Variants in TRABD2B observed in about 807,000 individuals in gnomAD.
TRABD2B encodes the protein metalloprotease TIKI2.
A neutral mutation model predicts 40.1 loss-of-function variants in TRABD2B; 14 were observed. That is an observed-to-expected ratio of 0.35 (90% CI 0.23 to 0.55). TRABD2B has a LOEUF of 0.55. Among genes scored for constraint, TRABD2B ranks in the 20% least tolerant of loss-of-function variants. The probability of loss-of-function intolerance (pLI) is 0.90; values close to 1 mark genes in which losing one functional copy is unlikely to be tolerated. For synonymous variants in TRABD2B, 263 were observed against 277.0 expected (o/e 0.95, Z 0.50); for missense variants, 541 against 648.6 (o/e 0.83, Z 1.80).
At chr1:47,859,315 G>T (rs1377502948) in intron 2 of TRABD2B, among the ~76,000 whole-genome samples, 1 of 152,094 alleles carries the variant, frequency 6.6e-6, no homozygotes, top group Non-Finnish European at 1.5e-5. Context: ...CCTCACACTG[G>T]CTGGGAAACG....
At chr1:47,828,454 T>C (rs1291462234) in intron 2 of TRABD2B, among the ~76,000 whole-genome samples, 1 of 152,196 alleles carries the variant, frequency 6.6e-6, no homozygotes, top group Non-Finnish European at 1.5e-5. Context: ...AGAAAGTCAC[T>C]GGGATTTGAC....
chr1:47,850,985 C>T (rs981889742), intron 2 of TRABD2B, among the ~76,000 whole-genome samples: 1 of 152,178 alleles, frequency 6.6e-6, no homozygotes, highest in Non-Finnish European at 1.5e-5. Flanking sequence ...GAATCTAATG[C>T]CACCGCTGAT....
chr1:47,921,460 A>C (rs1280231347), intron 2 of TRABD2B, among the ~76,000 whole-genome samples: 1 of 152,184 alleles, frequency 6.6e-6, no homozygotes, highest in African/African-American at 2.4e-5. Flanking sequence ...TGACACACAC[A>C]ACTTTCATGA....
At chr1:47,958,956 T>C (rs1231431167) in intron 2 of TRABD2B, among the ~76,000 whole-genome samples, 1 of 152,150 alleles carries the variant, frequency 6.6e-6, no homozygotes, top group African/African-American at 2.4e-5. Flanking sequence ...GACCACATAG[T>C]TGGAAGTAAA....
intron 2 of TRABD2B, among the ~76,000 whole-genome samples, chr1:47,933,086 C>T (rs1645060674): frequency 1.3e-5 from 2 of 149,408 alleles, no homozygotes; most frequent in South Asian, 2.2e-4. Flanking sequence ...CAGAGCCCTC[C>T]GTGAGCCCCC....
intron 2 of TRABD2B, among the ~76,000 whole-genome samples, chr1:47,941,659 G>A (rs1294247636): frequency 6.6e-6 from 1 of 152,222 alleles, no homozygotes; most frequent in Non-Finnish European, 1.5e-5. Flanking sequence ...CTGTTACAAG[G>A]TTGAAAGGAG....
chr1:47,852,292 G>A (rs1645560531), intron 2 of TRABD2B, among the ~76,000 whole-genome samples: 1 of 152,182 alleles, frequency 6.6e-6, no homozygotes, highest in Non-Finnish European at 1.5e-5. Context: ...GCCCCATGGA[G>A]CCACACACAT....
intron 2 of TRABD2B, among the ~76,000 whole-genome samples, chr1:47,915,417 T>C (rs1218370650): frequency 6.6e-6 from 1 of 152,192 alleles, no homozygotes; most frequent in Non-Finnish European, 1.5e-5. Context: ...ACAAGTGTAT[T>C]ACACCCAGGC....
chr1:47,798,555 C>G (rs982415518), intron 3 of TRABD2B, among the ~76,000 whole-genome samples: 5 of 152,194 alleles, frequency 3.3e-5, no homozygotes, highest in Non-Finnish European at 5.9e-5. Context: ...CCCCTGGCCC[C>G]TTTCCCAGTG....
At chr1:47,878,231 G>C (rs1447121072) in intron 2 of TRABD2B, among the ~76,000 whole-genome samples, 1 of 152,122 alleles carries the variant, frequency 6.6e-6, no homozygotes, top group Admixed American at 6.5e-5. Flanking sequence ...CAGGAGAATT[G>C]CTTGAACCCG....
intron 2 of TRABD2B, among the ~76,000 whole-genome samples, chr1:47,953,604 T>C (rs894895518): frequency 2.6e-5 from 4 of 152,176 alleles, no homozygotes; most frequent in African/African-American, 9.7e-5. Context: ...ACTTACCAGC[T>C]CTGAGACCTT....
chr1:47,840,780 G>T (rs564670514), intron 2 of TRABD2B, among the ~76,000 whole-genome samples: 1 of 152,318 alleles, frequency 6.6e-6, no homozygotes, highest in South Asian at 2.1e-4. Flanking sequence ...AACTTGGGGC[G>T]TGATGACATT....
chr1:47,854,441 C>G (rs954568356), intron 2 of TRABD2B, among the ~76,000 whole-genome samples: 14 of 152,068 alleles, frequency 9.2e-5, no homozygotes, highest in Non-Finnish European at 4.4e-5. Context: ...AGGCTTTTTT[C>G]CTTTGAGGTC....
rs181769483 is a variant in TRABD2B, at chr1:47,765,805, G to A, written c.*97C>T. On this transcript the variant is annotated 3_prime_UTR_variant, in exon 7 of 7. Coordinates refer to ENST00000606738, the MANE Select transcript of TRABD2B (RefSeq NM_001194986.2). ...CAATCCCATGTGGACTGCCCTCGAC[G>A]TGTTGGGCACCCCCTGGAGGTGGTG... is the stretch of plus-strand genomic sequence containing the variant. 1.4e-4 allele frequency: 97 copies of A among 702,366 alleles called. 1 individual carries two copies. The highest frequency in any genetic ancestry group is 1.2e-3 in the African/African-American group (67 of 57,388). The allele number at this position is 702,366 out of a possible 1,614,324, so 43.5% of individuals were successfully genotyped here.
intron 2 of TRABD2B, among the ~76,000 whole-genome samples, chr1:47,802,363 G>A (rs142551658): frequency 3.8e-4 from 58 of 152,262 alleles, no homozygotes; most frequent in Non-Finnish European, 7.1e-4. Context: ...GAGGATCGTG[G>A]CTCTAATGGA....
intron 2 of TRABD2B, among the ~76,000 whole-genome samples, chr1:47,832,002 G>A (rs1645256269): frequency 6.6e-6 from 1 of 152,220 alleles, no homozygotes; most frequent in Non-Finnish European, 1.5e-5. Context: ...GATCACTGGT[G>A]TCTGCCTGTC....
chr1:47,880,380 G>T (rs1042903752), intron 2 of TRABD2B, among the ~76,000 whole-genome samples: 3 of 152,116 alleles, frequency 2.0e-5, no homozygotes, highest in African/African-American at 7.2e-5. Context: ...TCAACCAATC[G>T]ATCATTCAGT....
rs3850880 is a variant in TRABD2B, at chr1:47,767,721, G to T, written c.1350-1615C>A. On this transcript the variant is annotated intron_variant, in intron 6 of 6. Coordinates refer to ENST00000606738, the MANE Select transcript of TRABD2B (RefSeq NM_001194986.2). ...CCTAGAGGGTAGGCTGTAGAAACAGGGCAGGGCAGGCTTCATGGGGTCTGC... is the reference window on the plus strand; with the variant it reads ...CCTAGAGGGTAGGCTGTAGAAACAGTGCAGGGCAGGCTTCATGGGGTCTGC... 4.6e-5 allele frequency among the ~76,000 whole-genome samples: 7 copies of T among 152,052 alleles called. No homozygotes were observed. The East Asian group carries it at 1.2e-3, about 25-fold the overall frequency.
intron 2 of TRABD2B, among the ~76,000 whole-genome samples, chr1:47,838,890 CG>C (rs1330417469): frequency 6.6e-6 from 1 of 152,196 alleles, no homozygotes; most frequent in Non-Finnish European, 1.5e-5. Context: ...ACTCCTGAGA[CG>C]AAACGGGAGA....
Sources: allele counts gnomAD v4.1 joint callset (sites outside exome capture counted in the v4.1 genomes callset), GRCh38; gene constraint gnomAD v4.1.1; transcripts MANE v1.5; gene names NCBI Gene and HGNC (gene_info 2026-07-23, HGNC 2026-07-21).